SLC44A1: variants seen among roughly 807,000 people sequenced by gnomAD.
SLC44A1 encodes solute carrier family 44 member 1, also known as choline transporter-like protein 1.
A neutral mutation model predicts 79.3 loss-of-function variants in SLC44A1; 26 were observed. That is an observed-to-expected ratio of 0.33 (90% confidence interval 0.24 to 0.46). The LOEUF (loss-of-function observed/expected upper bound fraction) is 0.46, where lower values mean the gene tolerates loss of function less well. Ranked by LOEUF, SLC44A1 falls within the 20% of genes least tolerant of loss-of-function variation. SLC44A1 has a pLI of 1.00. For synonymous variants in SLC44A1, 263 were observed against 286.2 expected (o/e 0.92, Z 0.82); for missense variants, 688 against 798.1 (o/e 0.86, Z 1.66).
chr9:105,387,465 A>G (rs2149591), intron 15 of SLC44A1, among the ~76,000 whole-genome samples: 148,988 of 152,096 alleles, frequency 0.98, 72,978 homozygotes, highest in East Asian at 1. Flanking sequence ...ATTTCACAAA[A>G]GCTGAGGAGG....
chr9:105,355,142 T>G lies in SLC44A1; in HGVS notation c.501-1070T>G, dbSNP rs528915538. On this transcript the variant is annotated intron_variant, in intron 5 of 15. Coordinates refer to ENST00000374720, the MANE Select transcript of SLC44A1 (RefSeq NM_080546.5). ...AATTTTAACATAATGCACATATAAG[T>G]GTGTATTTATGCATGGACATACATA... Among the ~76,000 whole-genome samples the G allele has an allele frequency of 5.3e-5, 8 of 152,338 alleles. No homozygotes were observed. In the South Asian group the frequency reaches 1.4e-3, roughly 28 times the overall value.
At chr9:105,381,365 C>T (rs2131461049) in intron 13 of SLC44A1, among the ~76,000 whole-genome samples, 1 of 151,764 alleles carries the variant, frequency 6.6e-6, no homozygotes, top group South Asian at 2.1e-4. Flanking sequence ...CATGGTGAAA[C>T]CCTGTCTCTA....
chr9:105,299,838 G>A, intron 2 of SLC44A1: 1 of 986,754 alleles, frequency 1.0e-6, no homozygotes, highest in Non-Finnish European at 1.2e-6. Context: ...GCTGCCTGCT[G>A]TGTCTGCTGT....
rs901377926 is a variant in SLC44A1, at chr9:105,389,165, A to G, written c.*109A>G. ...TATATATGTATATGTATGTGTGTAT[A>G]TATGTATATGTATATACACACACAC... On this transcript the variant is annotated 3_prime_UTR_variant, in exon 16 of 16. Transcript: ENST00000374720. 8.8e-6 allele frequency: 13 copies of G among 1,476,078 alleles called. No homozygotes were observed. Among genetic ancestry groups the G allele is most frequent in the East Asian group, 4.7e-5 (2 of 42,722 alleles). The allele number at this position is 1,476,078 out of a possible 1,614,324, so 91.4% of individuals were successfully genotyped here. A position where few individuals can be genotyped will look rare whatever the true frequency, so the allele number is the denominator to read the frequency against.
intron 1 of SLC44A1, among the ~76,000 whole-genome samples, chr9:105,246,327 A>G (rs1829446594): frequency 6.7e-6 from 1 of 150,298 alleles, no homozygotes; most frequent in South Asian, 2.1e-4. Context: ...AATGGGGGAC[A>G]TTTGTGTTTT....
rs376740363 is a variant in SLC44A1, at chr9:105,298,335, TTTG to T, written c.37-864_37-862del. On this transcript the variant is annotated intron_variant, in intron 1 of 15. Coordinates refer to ENST00000374720, the MANE Select transcript of SLC44A1 (RefSeq NM_080546.5). ...TCTACCCCTGAATAGGAATCCCGTTTTTGTTGTTGTTGTTGTTGTTGTTTGTTT... is the reference window on the plus strand; with the variant it reads ...TCTACCCCTGAATAGGAATCCCGTTTTTGTTGTTGTTGTTGTTGTTTGTTT... 4.5e-3 allele frequency among the ~76,000 whole-genome samples: 684 copies of T among 152,068 alleles called. 4 individuals carry two copies. The highest frequency in any genetic ancestry group is 0.016 in the African/African-American group (644 of 41,446).
At chr9:105,309,911 A>G (rs752676899) in intron 3 of SLC44A1, 45 bp downstream of exon 3, 248 of 1,581,068 alleles carry the variant, frequency 1.6e-4, no homozygotes, top group Non-Finnish European at 2.1e-4. Flanking sequence ...ACTTTGAAAG[A>G]GGCACAGAGA....
chr9:105,385,078 AAAC>A (rs1056117556), intron 14 of SLC44A1, among the ~76,000 whole-genome samples: 1 of 152,238 alleles, frequency 6.6e-6, no homozygotes, highest in Non-Finnish European at 1.5e-5. Flanking sequence ...ATATAGAAAA[AAAC>A]AACAACAACA....
intron 15 of SLC44A1, among the ~76,000 whole-genome samples, chr9:105,420,689 C>G (rs1829235885): frequency 6.6e-6 from 1 of 151,690 alleles, no homozygotes; most frequent in Non-Finnish European, 1.5e-5. Context: ...GGCAGAAACC[C>G]CCTCTCTACT....
intron 15 of SLC44A1, among the ~76,000 whole-genome samples, chr9:105,415,766 G>C (rs115077261): frequency 0.027 from 4,082 of 152,210 alleles, 63 homozygotes; most frequent in Middle Eastern, 0.051. Context: ...TAGCTTTCAG[G>C]TAGAAACAAT....
At chr9:105,363,994 G>A (rs1003148220) in intron 9 of SLC44A1, among the ~76,000 whole-genome samples, 2 of 152,090 alleles carry the variant, frequency 1.3e-5, no homozygotes, top group Admixed American at 6.5e-5. Context: ...TTCTGGTTTC[G>A]AAATGATCTG....
rs77266699 is a variant in SLC44A1, at chr9:105,257,535, A to G, written c.36+12631A>G. ...ATGAGCTACCGTGCCTGGCTCCCAG[A>G]TTGTAAACTGTGTCTAGAAAATGAG... On this transcript the variant is annotated intron_variant, in intron 1 of 15. Transcript: ENST00000374720. 7.2e-3 allele frequency among the ~76,000 whole-genome samples: 1,103 copies of G among 152,320 alleles called. 8 individuals carry two copies. Among genetic ancestry groups the G allele is most frequent in the African/African-American group, 0.025 (1,044 of 41,566 alleles).
At chr9:105,285,593 A>T (rs1416059762) in intron 1 of SLC44A1, among the ~76,000 whole-genome samples, 1 of 152,220 alleles carries the variant, frequency 6.6e-6, no homozygotes, top group Non-Finnish European at 1.5e-5. Context: ...GTGGTAGATT[A>T]TCATTAGTTC....
chr9:105,359,449 G>T (rs1222956360), intron 7 of SLC44A1, among the ~76,000 whole-genome samples: 1 of 151,954 alleles, frequency 6.6e-6, no homozygotes, highest in Non-Finnish European at 1.5e-5. Context: ...AAAGATCATA[G>T]GCAAATTTAA....
At chr9:105,402,119 G>T (rs960545881), downstream of SLC44A1, among the ~76,000 whole-genome samples, 15 of 152,180 alleles carry the variant, frequency 9.9e-5, no homozygotes, top group Non-Finnish European at 1.6e-4. Flanking sequence ...ACCAAGAGGT[G>T]ACCCTGGAGA....
At chr9:105,339,054 CAA>C (rs1694773719) in intron 4 of SLC44A1, among the ~76,000 whole-genome samples, 1 of 151,990 alleles carries the variant, frequency 6.6e-6, no homozygotes, top group Non-Finnish European at 1.5e-5. Flanking sequence ...TGGATGGTAC[CAA>C]ATTGCACCAA....
chr9:105,330,100 T>G (rs1035940297), intron 3 of SLC44A1, among the ~76,000 whole-genome samples: 2 of 152,340 alleles, frequency 1.3e-5, no homozygotes, highest in South Asian at 4.1e-4. Context: ...TTGTTATAAA[T>G]GAAGTTTTTC....
At chr9:105,285,266 A>G (rs1264390178) in intron 1 of SLC44A1, among the ~76,000 whole-genome samples, 2 of 152,326 alleles carry the variant, frequency 1.3e-5, no homozygotes, top group African/African-American at 2.4e-5. Context: ...GAAGTTACAG[A>G]TGGCTAGGAG....
chr9:105,371,778 G>T (rs1828112240), intron 12 of SLC44A1, among the ~76,000 whole-genome samples: 3 of 150,966 alleles, frequency 2.0e-5, no homozygotes. Context: ...CAGGTGGTAG[G>T]TTGACCACCC....
Sources: gnomAD v4.1 joint callset for allele counts (sites outside exome capture counted in the v4.1 genomes callset) on GRCh38, gnomAD v4.1.1 for gene constraint, MANE v1.5 for transcripts, NCBI Gene and HGNC (gene_info 2026-07-23, HGNC 2026-07-21) for gene names.